The following PCDH15 variants were observed in gnomAD, a reference collection of about 807,000 sequenced individuals.
PCDH15 encodes the protein protocadherin-15.
PCDH15 carries 129 observed loss-of-function variants against 178.5 expected under a neutral mutation model. The observed-to-expected ratio is 0.72, with a 90% CI of 0.63 to 0.84. The LOEUF is 0.84. Ranked by LOEUF, PCDH15 falls within the 40% of genes least tolerant of loss-of-function variation. The pLI is 0.00. For missense variants in PCDH15, 2,230 were observed against 2,099.9 expected (o/e 1.06, Z -1.21); for synonymous variants, 800 against 732.0 (o/e 1.09, Z -1.50).
chr10:54,320,658 G>A (rs1279771184), intron 7 of PCDH15, among the ~76,000 whole-genome samples: 1 of 151,842 alleles, frequency 6.6e-6, no homozygotes, highest in East Asian at 1.9e-4. Context: ...TTATAGCTAT[G>A]TCTATAATAT....
chr10:55,470,841 ATTT>A (rs202205186), intron 2 of PCDH15, among the ~76,000 whole-genome samples: 1 of 143,586 alleles, frequency 7.0e-6, no homozygotes, highest in Admixed American at 7.0e-5. Context: ...CTAAACTCTG[ATTT>A]TTTTTTTTTT....
chr10:55,584,840 T>C (rs1842693835), intron 2 of PCDH15, among the ~76,000 whole-genome samples: 1 of 151,462 alleles, frequency 6.6e-6, no homozygotes, highest in Non-Finnish European at 1.5e-5. Context: ...TGTTAGGCTA[T>C]AAATACAAAA....
rs149592712 is a variant in PCDH15, at chr10:54,091,263, G to T, written c.1918-1200C>A. Among the ~76,000 whole-genome samples, 1,080 of 152,262 alleles carry T rather than the reference G, an allele frequency of 7.1e-3. 9 individuals carry two copies. The highest frequency in any genetic ancestry group is 0.025 in the African/African-American group (1,028 of 41,536). On this transcript the variant is annotated intron_variant, in intron 15 of 37. Transcript: ENST00000644397. ...ACAGGGGGGGATATATCTGATAAAG[G>T]TTCAGATGTATTTTATTTTTAGGTG...
At chr10:54,664,810 C>G (rs2094544972) in intron 1 of PCDH15, among the ~76,000 whole-genome samples, 1 of 150,748 alleles carries the variant, frequency 6.6e-6, no homozygotes, top group South Asian at 2.1e-4. Flanking sequence ...CCAGGAAAGA[C>G]TAAGGAAAAT....
intron 3 of PCDH15, among the ~76,000 whole-genome samples, chr10:54,394,805 G>C (rs547494320): frequency 6.6e-6 from 1 of 152,084 alleles, no homozygotes; most frequent in Non-Finnish European, 1.5e-5. Flanking sequence ...ACCTGGGGGC[G>C]CTGTTTATAA....
chr10:54,645,323 G>C (rs1370268025), intron 2 of PCDH15, among the ~76,000 whole-genome samples: 3 of 152,078 alleles, frequency 2.0e-5, no homozygotes, highest in African/African-American at 7.2e-5. Context: ...GAGACAGAGA[G>C]AGAGAGAGAA....
At chr10:54,091,517 G>A (rs1170265961) in intron 15 of PCDH15, among the ~76,000 whole-genome samples, 2 of 152,150 alleles carry the variant, frequency 1.3e-5, no homozygotes, top group Non-Finnish European at 2.9e-5. Flanking sequence ...CTCACAGAAC[G>A]TCCTTATCAG....
intron 2 of PCDH15, among the ~76,000 whole-genome samples, chr10:55,447,599 T>C (rs950831340): frequency 6.6e-6 from 1 of 151,948 alleles, no homozygotes; most frequent in African/African-American, 2.4e-5. Context: ...TAAATGATTG[T>C]AAAGTGTGGG....
chr10:54,031,817 T>A (rs1484753813), intron 18 of PCDH15, among the ~76,000 whole-genome samples: 1 of 152,080 alleles, frequency 6.6e-6, no homozygotes, highest in Non-Finnish European at 1.5e-5. Flanking sequence ...TTCACGCTCA[T>A]ACAGCAAAGA....
chr10:55,529,957 A>C (rs1841413303), intron 2 of PCDH15, among the ~76,000 whole-genome samples: 1 of 151,212 alleles, frequency 6.6e-6, no homozygotes, highest in Non-Finnish European at 1.5e-5. Flanking sequence ...AAAACTGACA[A>C]AGAAATGTTA....
intron 2 of PCDH15, among the ~76,000 whole-genome samples, chr10:54,960,790 A>T (rs1838625142): frequency 6.6e-6 from 1 of 152,200 alleles, no homozygotes; most frequent in Admixed American, 6.5e-5. Context: ...CATAAAATTT[A>T]AAAGATACAT....
chr10:53,979,958 C>T (rs2090488211), intron 21 of PCDH15, among the ~76,000 whole-genome samples: 2 of 152,312 alleles, frequency 1.3e-5, no homozygotes, highest in Admixed American at 6.5e-5. Flanking sequence ...GCGGCTCACG[C>T]CTGTAATCCC....
At chr10:55,383,774 C>T (rs1477806835) in intron 2 of PCDH15, among the ~76,000 whole-genome samples, 4 of 152,028 alleles carry the variant, frequency 2.6e-5, no homozygotes, top group Non-Finnish European at 5.9e-5. Context: ...CTAAAGGGAA[C>T]CAGAGTCCAA....
intron 1 of PCDH15, among the ~76,000 whole-genome samples, chr10:55,209,717 G>A (rs999613474): frequency 6.6e-6 from 1 of 152,054 alleles, no homozygotes; most frequent in African/African-American, 2.4e-5. Context: ...GAGTTGAGAA[G>A]GGGCATGGGA....
At chr10:54,426,858 T>C (rs1319896285) in intron 3 of PCDH15, among the ~76,000 whole-genome samples, 1 of 151,750 alleles carries the variant, frequency 6.6e-6, no homozygotes, top group Non-Finnish European at 1.5e-5. Flanking sequence ...AACTTGAAAA[T>C]ACATAGTAAG....
upstream of PCDH15, among the ~76,000 whole-genome samples, chr10:54,802,222 A>G (rs369268492): frequency 9.8e-5 from 15 of 152,332 alleles, no homozygotes; most frequent in East Asian, 9.7e-4. Flanking sequence ...AAAGAAAACC[A>G]TGCCTCCAGA....
At chr10:54,017,223 T>C (rs1450504551) in intron 20 of PCDH15, among the ~76,000 whole-genome samples, 1 of 151,912 alleles carries the variant, frequency 6.6e-6, no homozygotes. Flanking sequence ...TGGGGTTTCA[T>C]CATGTTGGCC....
At chr10:54,263,372 C>G (rs1018945684) in intron 8 of PCDH15, among the ~76,000 whole-genome samples, 6 of 152,180 alleles carry the variant, frequency 3.9e-5, no homozygotes, top group African/African-American at 1.4e-4. Context: ...GAGAAGGAAT[C>G]ATGTCTTGCC....
chr10:54,938,917 C>G (rs1837981691), intron 2 of PCDH15, among the ~76,000 whole-genome samples: 1 of 152,096 alleles, frequency 6.6e-6, no homozygotes, highest in Admixed American at 6.6e-5. Flanking sequence ...TTGTGGCTAG[C>G]ATCTAGATTC....
Sources: allele counts gnomAD v4.1 joint callset (sites outside exome capture counted in the v4.1 genomes callset), GRCh38; gene constraint gnomAD v4.1.1; transcripts MANE v1.5; gene names NCBI Gene and HGNC (gene_info 2026-07-23, HGNC 2026-07-21).